The following C4orf50 variants were observed in gnomAD, a reference collection of about 807,000 sequenced individuals.
C4orf50 encodes chromosome 4 open reading frame 50.
A neutral mutation model predicts 77.2 loss-of-function variants in C4orf50; 80 were observed. The observed-to-expected ratio is 1.04, with a 90% CI of 0.87 to 1.25. The LOEUF is 1.25. Among genes scored for constraint, C4orf50 ranks in the 50% most tolerant of loss-of-function variants. C4orf50 has a pLI of 0.00. For synonymous variants in C4orf50, 532 were observed against 465.3 expected, an observed-to-expected ratio of 1.14 and a Z score of -1.84; for missense variants, 1,257 against 1,152.9, an observed-to-expected ratio of 1.09 and a Z score of -1.31.
intron 33 of C4orf50, among the ~76,000 whole-genome samples, chr4:5,962,245 C>T (rs570285544): frequency 6.6e-6 from 1 of 152,334 alleles, no homozygotes; most frequent in South Asian, 2.1e-4. Context: ...AATTGACATT[C>T]TGCCATCTTG....
At chr4:5,984,793 T>G (rs1377352120) in intron 28 of C4orf50, among the ~76,000 whole-genome samples, 3 of 151,166 alleles carry the variant, frequency 2.0e-5, no homozygotes, top group Non-Finnish European at 4.4e-5. Flanking sequence ...GAAGAAATAA[T>G]GATCAAGAAT....
chr4:5,966,087 A>G (rs1047347590), intron 32 of C4orf50, among the ~76,000 whole-genome samples: 1 of 152,204 alleles, frequency 6.6e-6, no homozygotes, highest in African/African-American at 2.4e-5. Flanking sequence ...CCAATCAAAT[A>G]CCACCTGTTC....
chr4:6,016,421 C>A (rs73071535), intron 23 of C4orf50, among the ~76,000 whole-genome samples: 2 of 152,054 alleles, frequency 1.3e-5, no homozygotes, highest in Non-Finnish European at 2.9e-5. Context: ...TGGTGATGGG[C>A]GCCTATAGTC....
chr4:5,982,942 A>G (rs1361859619), intron 28 of C4orf50, among the ~76,000 whole-genome samples: 3 of 152,138 alleles, frequency 2.0e-5, no homozygotes, highest in Non-Finnish European at 4.4e-5. Context: ...CAACAGTGGA[A>G]GCTCCCGAGA....
chr4:5,945,592 C>G (rs1449788166), intron 7 of C4orf50, among the ~76,000 whole-genome samples: 1 of 152,154 alleles, frequency 6.6e-6, no homozygotes, highest in African/African-American at 2.4e-5. Context: ...CTTCCAAGGC[C>G]TTCACCTTGG....
Position 5,992,735 on chromosome 4 carries a change from C to A in C4orf50, c.1221+68G>T. Reference sequence around the variant, plus strand: ...CCACATCCTGCGTGTGGCCACATAGCCTGCATGAGGCAGGGCTGAGGGGAA... The same window carrying A: ...CCACATCCTGCGTGTGGCCACATAGACTGCATGAGGCAGGGCTGAGGGGAA... On this transcript the variant is annotated intron_variant, in intron 27 of 33. Transcript: ENST00000531445. The surrounding 1 kb of genome is among the most constrained non-coding windows in gnomAD (Gnocchi z 5.0). 2.5e-6 allele frequency: 1 copy of A among 399,088 alleles called. No individual in the cohort carries two copies. 24.7% of individuals were successfully genotyped at this position (399,088 alleles called of 1,614,324 possible).
chr4:5,969,722 C>A (rs547156805), intron 31 of C4orf50, among the ~76,000 whole-genome samples: 4 of 152,284 alleles, frequency 2.6e-5, no homozygotes, highest in African/African-American at 9.6e-5. Flanking sequence ...CAGCAGCCCC[C>A]ACCTGGCCTA....
At chr4:5,952,664 C>T (rs1344340809), downstream of C4orf50, among the ~76,000 whole-genome samples, 3 of 152,172 alleles carry the variant, frequency 2.0e-5, no homozygotes, top group South Asian at 2.1e-4. This position sits in a 1 kb window ranked among gnomAD's most constrained non-coding sequence, Gnocchi z 4.4. Flanking sequence ...AAAGGTCAAG[C>T]GCTAAAGAAA....
In C4orf50 at chr4:6,003,768, ATGATGGTGATGATGG is replaced by A. The variant is rs1560597779; in HGVS notation, c.963+4213_963+4227del. On this transcript the variant is annotated intron_variant, in intron 25 of 33. Transcript: ENST00000531445. ...TGGTGATGGTGATGATGTGATAGTG[ATGATGGTGATGATGG>A]TGATGGTGATGATGGTGATGGTGAT... Among the ~76,000 whole-genome samples, 316 of 102,322 alleles carry A rather than the reference ATGATGGTGATGATGG, an allele frequency of 3.1e-3. 2 individuals carry two copies. Among genetic ancestry groups the A allele is most frequent in the Non-Finnish European group, 4.5e-3 (244 of 53,736 alleles). 67.1% of individuals were successfully genotyped at this position (102,322 alleles called of 152,430 possible).
intron 7 of C4orf50, among the ~76,000 whole-genome samples, chr4:5,911,329 A>G (rs555276020): frequency 1.5e-4 from 23 of 152,226 alleles, no homozygotes; most frequent in Middle Eastern, 3.4e-3. Flanking sequence ...TCTGATGGGG[A>G]GCCCACCAGC....
rs148934055 is a variant in C4orf50 at position 6,017,869 on chromosome 4, G to C, written c.287+276C>G. On this transcript the variant is annotated intron_variant, in intron 23 of 33. Coordinates refer to ENST00000531445, the Ensembl canonical transcript of C4orf50. This position sits in a 1 kb window ranked among gnomAD's most constrained non-coding sequence, Gnocchi z 4.7. ...GAGAAGAAGAGAGGGAGAACACCTG[G>C]CTTCTCCCTGCCTCCCTCCGTTTCA... Among the ~76,000 whole-genome samples the C allele has an allele frequency of 9.0e-3, 1,367 of 152,260 alleles. 9 individuals carry two copies. The highest frequency in any genetic ancestry group is 0.013 in the Non-Finnish European group (909 of 68,012).
At chr4:6,003,048 C>T (rs1420969105) in intron 25 of C4orf50, among the ~76,000 whole-genome samples, 4 of 152,210 alleles carry the variant, frequency 2.6e-5, no homozygotes, top group Non-Finnish European at 5.9e-5. Context: ...CACCCACCTG[C>T]TCTGCCCTGC....
chr4:5,951,505 A>T (rs1158690088), intron 7 of C4orf50, among the ~76,000 whole-genome samples: 1 of 152,200 alleles, frequency 6.6e-6, no homozygotes, highest in East Asian at 1.9e-4. Context: ...CTGCAAACCA[A>T]CACTCAGAGA....
chr4:5,992,940 A>C lies in C4orf50; in HGVS notation c.1094-10T>G, dbSNP rs1377629395. ...CCCTCTGGGGACTGGCCTGGAAAGC[A>C]ACAAGACCCTGGGGGTTACAAAGAT... On this transcript the variant is annotated splice_polypyrimidine_tract_variant and intron_variant, in intron 26 of 33. Coordinates refer to ENST00000531445, the Ensembl canonical transcript of C4orf50. This position sits in a 1 kb window ranked among gnomAD's most constrained non-coding sequence, Gnocchi z 5.0. The C allele has an allele frequency of 5.5e-5, 22 of 398,896 alleles. No homozygotes were observed. The highest frequency in any genetic ancestry group is 8.4e-5 in the Non-Finnish European group (19 of 226,080). 24.7% of individuals were successfully genotyped at this position (398,896 alleles called of 1,614,324 possible). A position where few individuals can be genotyped will look rare whatever the true frequency, so the allele number is the denominator to read the frequency against.
chr4:5,993,151 C>T (rs1483993134), intron 26 of C4orf50, among the ~76,000 whole-genome samples: 2 of 152,126 alleles, frequency 1.3e-5, no homozygotes, highest in African/African-American at 4.8e-5. Flanking sequence ...GGCAGAGACC[C>T]CAGGGCTCCA....
rs1216387213 is a variant in C4orf50 at position 5,900,523 on chromosome 4, G to A, written c.*2475-2335C>T. On this transcript the variant is annotated intron_variant, in intron 7 of 7. Transcript: ENST00000324058. This position sits in a 1 kb window ranked among gnomAD's most constrained non-coding sequence, Gnocchi z 4.3. ...GGCATGAATTCCACACAAAATGAAAGAATTCCTTAAACTAACATCTATCAC... is the reference window on the plus strand; with the variant it reads ...GGCATGAATTCCACACAAAATGAAAAAATTCCTTAAACTAACATCTATCAC... The A allele has an allele frequency of 6.6e-6, 1 of 152,190 alleles. No homozygotes were observed. The highest frequency in any genetic ancestry group is 1.5e-5 in the Non-Finnish European group (1 of 68,040). The allele number at this position is 152,190 out of a possible 1,614,324, so 9.4% of individuals were successfully genotyped here. A position where few individuals can be genotyped will look rare whatever the true frequency, so the allele number is the denominator to read the frequency against.
chr4:5,989,374 A>T, exon 28 of C4orf50: 2 of 1,536,052 alleles, frequency 1.3e-6, no homozygotes, highest in Non-Finnish European at 1.7e-6. Flanking sequence ...GTTACCAGGA[A>T]CTTCGCTGGT....
intron 7 of C4orf50, among the ~76,000 whole-genome samples, chr4:5,935,784 TAAAAAAAAAAAAAAAA>T (rs769910855): frequency 8.9e-4 from 28 of 31,478 alleles, no homozygotes; most frequent in Admixed American, 6.8e-3. Context: ...AGACTCCGTC[TAAAAAAAAAAAAAAAA>T]AAAAAAAAAA....
At position 5,908,636 on chromosome 4, in the gene C4orf50, A is replaced by T. The variant is rs1211217490; in HGVS notation, c.*2475-10448T>A. On this transcript the variant is annotated intron_variant, in intron 7 of 7. Transcript: ENST00000324058. This position sits in a 1 kb window ranked among gnomAD's most constrained non-coding sequence, Gnocchi z 5.6. Reference sequence around the variant, plus strand: ...AAATGGGGACACTAGTCCATGACCTACTTAGTTCCAGACCTTTGTGAAGAC... The same window carrying T: ...AAATGGGGACACTAGTCCATGACCTTCTTAGTTCCAGACCTTTGTGAAGAC... 6.6e-6 allele frequency among the ~76,000 whole-genome samples: 1 copy of T among 152,108 alleles called. No homozygotes were observed. Among genetic ancestry groups the T allele is most frequent in the Non-Finnish European group, 1.5e-5 (1 of 68,020 alleles).
Sources: allele counts gnomAD v4.1 joint callset (sites outside exome capture counted in the v4.1 genomes callset), GRCh38; gene constraint gnomAD v4.1.1; non-coding constraint Gnocchi (gnomAD v3.1); transcripts MANE v1.5; gene names NCBI Gene and HGNC (gene_info 2026-07-23, HGNC 2026-07-21).